EPHB4: variants seen among roughly 807,000 people sequenced by gnomAD.
EPHB4 encodes EPH receptor B4, also known as ephrin type-B receptor 4.
EPHB4 carries 50 observed loss-of-function variants against 110.6 expected under a neutral mutation model. The observed-to-expected ratio is 0.45, with a 90% confidence interval of 0.36 to 0.57. EPHB4 has a LOEUF of 0.57. Among genes scored for constraint, EPHB4 ranks in the 20% least tolerant of loss-of-function variants. The pLI is 0.00. For missense variants in EPHB4, 1,128 were observed against 1,382.1 expected (o/e 0.82, Z 2.91); for synonymous variants, 592 against 578.4 (o/e 1.02, Z -0.34).
At chr7:100,809,518 C>G (rs1480026729) in intron 12 of EPHB4, among the ~76,000 whole-genome samples, 1 of 152,026 alleles carries the variant, frequency 6.6e-6, no homozygotes, top group Non-Finnish European at 1.5e-5. Context: ...CTGTGCTGGT[C>G]TTCCCATCTC....
At chr7:100,816,594 A>G (rs1455184744) in intron 8 of EPHB4, among the ~76,000 whole-genome samples, 2 of 151,156 alleles carry the variant, frequency 1.3e-5, no homozygotes, top group African/African-American at 2.4e-5. Flanking sequence ...TCAGCCTCCC[A>G]AAGTGCTGGG....
chr7:100,820,462 C>A (rs900633499), intron 4 of EPHB4, 166 bp from the exon 5 acceptor site: 30 of 473,692 alleles, frequency 6.3e-5, no homozygotes, highest in Non-Finnish European at 8.9e-5. Flanking sequence ...GAGATCCCAT[C>A]TCCAAAAAAA....
rs765470003 is a variant in EPHB4, at chr7:100,819,549, A to G, written c.1297+8T>C. On this transcript the variant is annotated splice_region_variant and intron_variant, in intron 6 of 16. Transcript: ENST00000358173. ...AGACCACCAGCCGCCCCAGCCCCCA[A>G]GTCTCACCCTCTCGGTCAGTGGTGA... 1.4e-5 allele frequency: 21 copies of G among 1,545,014 alleles called. No individual in the cohort carries two copies. In the East Asian group the frequency reaches 4.3e-4, roughly 32 times the overall value.
chr7:100,806,068 C>T (rs1584653397), intron 14 of EPHB4: 1 of 261,548 alleles, frequency 3.8e-6, no homozygotes, highest in South Asian at 1.1e-4. Context: ...AAGCGATTAT[C>T]CTGTCTCAGC....
chr7:100,822,987 G>A lies in EPHB4; in HGVS notation c.412-320C>T, dbSNP rs1813275028. Among the ~76,000 whole-genome samples the A allele has an allele frequency of 1.3e-5, 2 of 152,150 alleles. No individual in the cohort carries two copies. ...ACAGCGATGAATGAATCCTGGGGAA[G>A]TTATAAAGTACCATGAGGCCGGGCG... On this transcript the variant is annotated intron_variant, in intron 3 of 16. Transcript: ENST00000358173. This position sits in a 1 kb window ranked among gnomAD's most constrained non-coding sequence, Gnocchi z 4.7.
chr7:100,816,120 C>T lies in EPHB4; in HGVS notation c.1588+1072G>A, dbSNP rs935142984. On this transcript the variant is annotated intron_variant, in intron 8 of 16. Transcript: ENST00000358173. The stretch of plus-strand genomic sequence containing the variant: ...GGTGGAGCTTGCGGTGAGCTGAGAT[C>T]GCGCCACCGCACTCCAGCCTGGGCA... 4.1e-5 allele frequency among the ~76,000 whole-genome samples: 6 copies of T among 145,522 alleles called. No individual in the cohort carries two copies. The South Asian group carries it at 7.0e-4, about 17-fold the overall frequency.
chr7:100,813,997 A>G lies in EPHB4; in HGVS notation c.1613T>C (p.Leu538Pro), dbSNP rs1813008080. 6.2e-7 allele frequency: 1 copy of G among 1,614,142 alleles called. No homozygotes were observed. The highest frequency in any genetic ancestry group is 2.2e-5 in the East Asian group (1 of 44,874). ...GACTGCCGTGCCCGCAATCAGGGCC[A>G]GCTGCTCCCGCCAGCCCTCGCTCTC... ...LDESEGWREQ[L>P]ALIAGTAVVG... The change falls in exon 9 of 17, where the codon CTG becomes CCG. Residue 538 changes from leucine to proline, a missense_variant. Physicochemically the swap from Leu to Pro is moderately conservative, Grantham distance 98 (BLOSUM62 -3). Coordinates refer to ENST00000358173, the MANE Select transcript of EPHB4 (RefSeq NM_004444.5).
chr7:100,826,895 C>T, intron 1 of EPHB4, 84 bp downstream of exon 1: 1 of 1,472,276 alleles, frequency 6.8e-7, no homozygotes, highest in Non-Finnish European at 9.2e-7. Context: ...TAGTCAGAGG[C>T]CGGCCCCTCC....
At position 100,812,975 on chromosome 7, in the gene EPHB4, G is replaced by A. The variant is rs2230585; in HGVS notation, c.1890C>T (p.Cys630=). ...VIGAGEFGEV[C]RGRLKAPGKK... ...TCCCTGGGGCCTTGAGCCGCCCCCG[G>A]CACACCTCGCCAAACTCACCTTCAA... Residue 630 remains cysteine, a synonymous_variant, in exon 12 of 17, where the codon TGC becomes TGT. Transcript: ENST00000358173. 592,583 of 1,613,700 alleles carry A rather than the reference G, an allele frequency of 0.37. 112,113 individuals carry two copies. The highest frequency in any genetic ancestry group is 0.39 in the Non-Finnish European group (459,939 of 1,179,852).
At chr7:100,806,363 C>G in intron 14 of EPHB4, 57 bp downstream of exon 14, 1 of 1,563,694 alleles carries the variant, frequency 6.4e-7, no homozygotes, top group South Asian at 1.2e-5. Flanking sequence ...CCCTTCACCC[C>G]AAATCCCAGG....
intron 12 of EPHB4, among the ~76,000 whole-genome samples, chr7:100,809,537 T>C (rs551828728): frequency 1.3e-5 from 2 of 151,990 alleles, no homozygotes; most frequent in South Asian, 4.2e-4. Flanking sequence ...TCTCTCTCTT[T>C]TTAAGAGATG....
At chr7:100,807,321 C>T in intron 13 of EPHB4, 44 bp downstream of exon 13, 1 of 1,599,860 alleles carries the variant, frequency 6.3e-7, no homozygotes, top group African/African-American at 1.3e-5. Context: ...GCCCTGCCCA[C>T]CTGGCCCTAA....
intron 11 of EPHB4, 25 bp downstream of exon 11, chr7:100,813,070 T>A: frequency 6.2e-7 from 1 of 1,613,182 alleles, no homozygotes. Context: ...CGTTCCCAGG[T>A]GCCCGGGCAG....
At chr7:100,814,075 C>T in intron 8 of EPHB4, 54 bp from the exon 9 acceptor site, 1 of 1,591,258 alleles carries the variant, frequency 6.3e-7, no homozygotes, top group South Asian at 1.1e-5. Flanking sequence ...GTAGGAGGCC[C>T]CAGCCCCGGC....
intron 7 of EPHB4, among the ~76,000 whole-genome samples, chr7:100,817,600 G>A (rs1020144813): frequency 2.6e-5 from 4 of 152,040 alleles, no homozygotes; most frequent in South Asian, 2.1e-4. Context: ...CTGCAGCCTC[G>A]ACCTCAAGTC....
At chr7:100,818,099 C>T (rs1355916466) in intron 7 of EPHB4, among the ~76,000 whole-genome samples, 1 of 151,836 alleles carries the variant, frequency 6.6e-6, no homozygotes, top group Non-Finnish European at 1.5e-5. Flanking sequence ...ATACTCCTGA[C>T]CTTGTGATCC....
Position 100,803,347 on chromosome 7 carries a change from C to T in EPHB4, c.*114G>A. The T allele has an allele frequency of 7.8e-7, 1 of 1,287,514 alleles. No homozygotes were observed. The highest frequency in any genetic ancestry group is 2.7e-5 in the East Asian group (1 of 36,868). The allele number at this position is 1,287,514 out of a possible 1,614,324, so 79.8% of individuals were successfully genotyped here. On this transcript the variant is annotated 3_prime_UTR_variant, in exon 17 of 17. Coordinates refer to ENST00000358173, the MANE Select transcript of EPHB4 (RefSeq NM_004444.5). Reference sequence around the variant, plus strand: ...TCTCTCCAAATTGCCAACTCCTCACCCCACGGGCTCAAAGTGCAATCCAGC... The same window carrying T: ...TCTCTCCAAATTGCCAACTCCTCACTCCACGGGCTCAAAGTGCAATCCAGC...
chr7:100,815,117 G>A (rs1051863847), intron 8 of EPHB4, among the ~76,000 whole-genome samples: 3 of 151,218 alleles, frequency 2.0e-5, no homozygotes, highest in Non-Finnish European at 4.4e-5. Flanking sequence ...TCAGGAGTTC[G>A]AGACCAGCCT....
chr7:100,825,546 T>TC (rs1325353393), intron 1 of EPHB4: 2 of 152,304 alleles, frequency 1.3e-5, no homozygotes, highest in Admixed American at 1.3e-4. Context: ...CTATCTCTCC[T>TC]CCACTCTCTG....
Sources: allele counts gnomAD v4.1 joint callset (sites outside exome capture counted in the v4.1 genomes callset), GRCh38; gene constraint gnomAD v4.1.1; non-coding constraint Gnocchi (gnomAD v3.1); transcripts MANE v1.5; gene names NCBI Gene and HGNC (gene_info 2026-07-23, HGNC 2026-07-21).